AP2B1: variants seen among roughly 807,000 people sequenced by gnomAD.
AP2B1 encodes AP-2 complex subunit beta.
AP2B1 carries 23 observed loss-of-function variants against 102.0 expected under a neutral mutation model. That is an observed-to-expected ratio of 0.23 (90% confidence interval 0.16 to 0.32). The LOEUF (loss-of-function observed/expected upper bound fraction) is 0.32, where lower values mean the gene tolerates loss of function less well. Ranked by LOEUF, AP2B1 falls within the 10% of genes least tolerant of loss-of-function variation. The pLI is 1.00. For missense variants in AP2B1, 541 were observed against 1,157.4 expected (o/e 0.47, Z 7.73); for synonymous variants, 381 against 421.2 (o/e 0.90, Z 1.17).
At position 35,716,678 on chromosome 17, in the gene AP2B1, C is replaced by T. The variant is rs587771979; in HGVS notation, c.2627-517C>T. Among the ~76,000 whole-genome samples the T allele has an allele frequency of 2.0e-4, 31 of 152,212 alleles. 1 individual carries two copies. In the South Asian group the frequency reaches 6.0e-3, roughly 30 times the overall value. On this transcript the variant is annotated intron_variant, in intron 20 of 21. Coordinates refer to ENST00000610402, the MANE Select transcript of AP2B1 (RefSeq NM_001030006.2). ...GCAGTTGACTTCTGTAGCTCTGGGC[C>T]CTTCCTGATCCTGGCAGTTGAGGCC...
intron 5 of AP2B1, 121 bp downstream of exon 5, chr17:35,608,508 C>G (rs561088239): frequency 4.2e-6 from 5 of 1,193,070 alleles, no homozygotes; most frequent in East Asian, 4.7e-5. Flanking sequence ...GGAAACATGA[C>G]TTTGTGTGTC....
At chr17:35,625,955 A>G (rs535793955) in intron 6 of AP2B1, among the ~76,000 whole-genome samples, 1 of 152,180 alleles carries the variant, frequency 6.6e-6, no homozygotes, top group Non-Finnish European at 1.5e-5. Context: ...ATTAATTTCT[A>G]AAGAACCCTC....
chr17:35,599,176 T>C (rs2073393983), intron 3 of AP2B1, among the ~76,000 whole-genome samples: 1 of 152,254 alleles, frequency 6.6e-6, no homozygotes, highest in Non-Finnish European at 1.5e-5. Context: ...TCTCTTCTGC[T>C]GCGTAGCAGT....
intron 5 of AP2B1, among the ~76,000 whole-genome samples, chr17:35,622,815 C>T (rs561544755): frequency 6.6e-6 from 1 of 152,260 alleles, no homozygotes; most frequent in Non-Finnish European, 1.5e-5. Flanking sequence ...CAGGCACACA[C>T]CACCATGCCC....
At chr17:35,715,483 T>G (rs1271883986) in intron 20 of AP2B1, among the ~76,000 whole-genome samples, 3 of 152,244 alleles carry the variant, frequency 2.0e-5, no homozygotes, top group South Asian at 2.1e-4. Context: ...TGTGTGTTTT[T>G]GGGTTTCCTG....
At chr17:35,658,556 T>A (rs2075287369) in intron 14 of AP2B1, among the ~76,000 whole-genome samples, 1 of 152,116 alleles carries the variant, frequency 6.6e-6, no homozygotes, top group African/African-American at 2.4e-5. Flanking sequence ...AAATAACAAG[T>A]CTATTACAAG....
intron 18 of AP2B1, among the ~76,000 whole-genome samples, chr17:35,707,134 C>CTTGTTG (rs71366478): frequency 0.48 from 72,994 of 150,878 alleles, 17,673 homozygotes; most frequent in East Asian, 0.51. Flanking sequence ...TGGTACATCC[C>CTTGTTG]TTGTTGTTGT....
intron 12 of AP2B1, among the ~76,000 whole-genome samples, chr17:35,644,973 A>G (rs1014610864): frequency 2.6e-5 from 4 of 151,948 alleles, no homozygotes; most frequent in African/African-American, 9.7e-5. Context: ...CAGAGGTTGC[A>G]GTGAGCTGAG....
At chr17:35,681,697 C>T (rs1257873462) in intron 17 of AP2B1, among the ~76,000 whole-genome samples, 1 of 152,140 alleles carries the variant, frequency 6.6e-6, no homozygotes, top group Admixed American at 6.5e-5. Context: ...ACCACCACAC[C>T]TGGCCTCAGG....
At chr17:35,687,736 A>C (rs1291345844) in intron 18 of AP2B1, among the ~76,000 whole-genome samples, 1 of 152,022 alleles carries the variant, frequency 6.6e-6, no homozygotes, top group African/African-American at 2.4e-5. Context: ...TTTTATGTAG[A>C]GATGGGGTCT....
intron 14 of AP2B1, among the ~76,000 whole-genome samples, chr17:35,666,125 C>T (rs950842678): frequency 1.3e-5 from 2 of 152,094 alleles, no homozygotes; most frequent in African/African-American, 2.4e-5. Flanking sequence ...TGAACTGAGC[C>T]TGTATGCGGG....
At chr17:35,605,615 C>T in intron 3 of AP2B1, 90 bp from the exon 4 acceptor site, 1 of 866,832 alleles carries the variant, frequency 1.2e-6, no homozygotes, top group Non-Finnish European at 1.8e-6. Flanking sequence ...TGCATCAAAT[C>T]ACTGTTAGTT....
intron 18 of AP2B1, among the ~76,000 whole-genome samples, chr17:35,687,539 A>C (rs2075961480): frequency 6.6e-6 from 1 of 151,098 alleles, no homozygotes; most frequent in Admixed American, 6.6e-5. Flanking sequence ...ATCAGTGTTC[A>C]ATGTTTACAT....
At position 35,632,832 on chromosome 17, in the gene AP2B1, G is replaced by A. The variant is rs1037036201; in HGVS notation, c.1156-3509G>A. Among the ~76,000 whole-genome samples the A allele has an allele frequency of 5.3e-5, 8 of 151,806 alleles. No individual in the cohort carries two copies. In the East Asian group the frequency reaches 1.5e-3, roughly 29 times the overall value. On this transcript the variant is annotated intron_variant, in intron 9 of 21. Transcript: ENST00000610402. ...TTACTAAATATGAGCTTTATATCAA[G>A]CACTGTGCTAAGCACTTACTTGTAT... is the stretch of plus-strand genomic sequence containing the variant.
chr17:35,681,717 C>A lies in AP2B1; in HGVS notation c.2325-978C>A, dbSNP rs587694341. 1.6e-4 allele frequency among the ~76,000 whole-genome samples: 25 copies of A among 152,146 alleles called. No homozygotes were observed. The South Asian group carries it at 4.4e-3, about 27-fold the overall frequency. ...CACACCTGGCCTCAGGGTGGAAATT[C>A]TTAATTCTTCTTTCTCCCAAGAATT... On this transcript the variant is annotated intron_variant, in intron 17 of 21. Transcript: ENST00000610402.
At chr17:35,696,674 C>T (rs1405020782) in intron 18 of AP2B1, among the ~76,000 whole-genome samples, 2 of 152,120 alleles carry the variant, frequency 1.3e-5, no homozygotes, top group African/African-American at 4.8e-5. Context: ...CAGGCCTGAG[C>T]CACCGCACGC....
At chr17:35,688,568 T>A (rs2075981416) in intron 18 of AP2B1, among the ~76,000 whole-genome samples, 1 of 152,228 alleles carries the variant, frequency 6.6e-6, no homozygotes, top group South Asian at 2.1e-4. Context: ...TTTCTCTATT[T>A]CTTATCAGAC....
At chr17:35,700,007 G>A (rs1433090523) in intron 18 of AP2B1, among the ~76,000 whole-genome samples, 1 of 151,968 alleles carries the variant, frequency 6.6e-6, no homozygotes, top group Admixed American at 6.6e-5. Context: ...GAGATGGGAG[G>A]ATCACTTGAG....
chr17:35,633,607 C>T lies in AP2B1; in HGVS notation c.1156-2734C>T, dbSNP rs534659124. ...CAAATACTGATATGTTAACTGTTTC[C>T]GTTTTATCTTCTCCCTCTTCCTCTT... On this transcript the variant is annotated intron_variant, in intron 9 of 21. Transcript: ENST00000610402. Among the ~76,000 whole-genome samples the T allele has an allele frequency of 3.9e-5, 6 of 152,122 alleles. No homozygotes were observed. In the East Asian group the frequency reaches 7.7e-4, roughly 20 times the overall value.
Sources: gnomAD v4.1 joint callset for allele counts (sites outside exome capture counted in the v4.1 genomes callset) on GRCh38, gnomAD v4.1.1 for gene constraint, MANE v1.5 for transcripts, NCBI Gene and HGNC (gene_info 2026-07-23, HGNC 2026-07-21) for gene names.